Variants in CNTNAP2 observed in about 807,000 individuals in gnomAD.
The protein encoded by CNTNAP2 is contactin associated protein 2.
A neutral mutation model predicts 155.2 loss-of-function variants in CNTNAP2; 98 were observed. The observed-to-expected ratio is 0.63, with a 90% CI of 0.54 to 0.75. CNTNAP2 has a LOEUF of 0.75. CNTNAP2 is among the 30% of genes least tolerant of loss of function. The pLI is 0.00. For synonymous variants in CNTNAP2, 651 were observed against 631.2 expected (o/e 1.03, Z -0.47); for missense variants, 1,727 against 1,688.1 (o/e 1.02, Z -0.40).
chr7:146,567,304 T>A (rs888329150), intron 1 of CNTNAP2, among the ~76,000 whole-genome samples: 1 of 152,174 alleles, frequency 6.6e-6, no homozygotes, highest in African/African-American at 2.4e-5. Flanking sequence ...TGTCCCTTTT[T>A]TTAATCTTAA....
chr7:147,154,160 C>A (rs188035573), intron 8 of CNTNAP2, among the ~76,000 whole-genome samples: 14 of 151,754 alleles, frequency 9.2e-5, no homozygotes, highest in African/African-American at 2.9e-4. Context: ...TTCATAATGG[C>A]ATTGATAAGA....
At chr7:147,400,174 G>A (rs1796888793) in intron 10 of CNTNAP2, among the ~76,000 whole-genome samples, 1 of 152,098 alleles carries the variant, frequency 6.6e-6, no homozygotes, top group African/African-American at 2.4e-5. Context: ...TTTAGCCACA[G>A]TTAGGTCCAC....
rs533100211 is a variant in CNTNAP2 at position 147,379,652 on chromosome 7, A to G, written c.1499-15957A>G. On this transcript the variant is annotated intron_variant, in intron 9 of 23. Coordinates refer to ENST00000361727, the MANE Select transcript of CNTNAP2 (RefSeq NM_014141.6). ...ATCATCATTTTTTTTGGAAAAAGAT[A>G]AAATACAGACAAATTTCCTTGTCAT... 5.3e-5 allele frequency among the ~76,000 whole-genome samples: 8 copies of G among 152,240 alleles called. No individual in the cohort carries two copies. In the East Asian group the frequency reaches 1.2e-3, roughly 22 times the overall value.
intron 13 of CNTNAP2, among the ~76,000 whole-genome samples, chr7:147,745,503 TAGC>T (rs1410210669): frequency 6.6e-6 from 1 of 152,236 alleles, no homozygotes; most frequent in African/African-American, 2.4e-5. Context: ...TAAACATCTT[TAGC>T]AGAAGACTGA....
At chr7:146,521,471 T>C (rs1327451194) in intron 1 of CNTNAP2, among the ~76,000 whole-genome samples, 1 of 151,980 alleles carries the variant, frequency 6.6e-6, no homozygotes, top group Non-Finnish European at 1.5e-5. Flanking sequence ...TCCCTTAAAT[T>C]ACTCTACAGT....
rs548287213 is a variant in CNTNAP2 at position 146,536,712 on chromosome 7, A to G, written c.98-237559A>G. ...ATCACTTGTTTATTGCTGTGTGATAAAACACTCCAAGACATCTCTAGTCAC... is the reference window on the plus strand; with the variant it reads ...ATCACTTGTTTATTGCTGTGTGATAGAACACTCCAAGACATCTCTAGTCAC... On this transcript the variant is annotated intron_variant, in intron 1 of 23. Coordinates refer to ENST00000361727, the MANE Select transcript of CNTNAP2 (RefSeq NM_014141.6). Among the ~76,000 whole-genome samples the G allele has an allele frequency of 2.6e-5, 4 of 152,154 alleles. No individual in the cohort carries two copies. The South Asian group carries it at 8.3e-4, about 32-fold the overall frequency.
chr7:147,500,852 T>TC (rs1001529043), intron 11 of CNTNAP2, among the ~76,000 whole-genome samples: 2 of 152,158 alleles, frequency 1.3e-5, no homozygotes, highest in Non-Finnish European at 2.9e-5. Context: ...TTTTGTTCTA[T>TC]CAAAAAATAT....
chr7:148,187,402 C>A (rs1476310034), intron 18 of CNTNAP2, among the ~76,000 whole-genome samples: 1 of 152,120 alleles, frequency 6.6e-6, no homozygotes, highest in African/African-American at 2.4e-5. Flanking sequence ...TAAACACAGG[C>A]CATGCCCTGT....
chr7:148,301,081 G>T (rs959838318), intron 21 of CNTNAP2, among the ~76,000 whole-genome samples: 1 of 151,950 alleles, frequency 6.6e-6, no homozygotes. Flanking sequence ...GGATCACGAG[G>T]TCAGGAGTTT....
At chr7:147,625,082 T>G (rs10272345) in intron 12 of CNTNAP2, among the ~76,000 whole-genome samples, 13,673 of 151,988 alleles carry the variant, frequency 0.09, 1,707 homozygotes, top group African/African-American at 0.26. Context: ...GGACATAGGG[T>G]GGAAGGATGG....
intron 1 of CNTNAP2, among the ~76,000 whole-genome samples, chr7:146,364,758 G>A (rs560032075): frequency 3.9e-5 from 6 of 152,228 alleles, no homozygotes; most frequent in Admixed American, 2.6e-4. Context: ...TTTATGTATG[G>A]AACAATACAA....
chr7:148,035,807 C>T (rs569129725), intron 15 of CNTNAP2, among the ~76,000 whole-genome samples: 1 of 152,310 alleles, frequency 6.6e-6, no homozygotes, highest in South Asian at 2.1e-4. Context: ...AACTCCAACC[C>T]ATGAGAGCTC....
At chr7:146,412,702 G>C (rs1414735029) in intron 1 of CNTNAP2, among the ~76,000 whole-genome samples, 1 of 152,158 alleles carries the variant, frequency 6.6e-6, no homozygotes, top group Non-Finnish European at 1.5e-5. Context: ...GCTGTAAGTC[G>C]CTGTGATATC....
intron 10 of CNTNAP2, among the ~76,000 whole-genome samples, chr7:147,399,435 C>T (rs1430071389): frequency 6.6e-6 from 1 of 152,028 alleles, no homozygotes; most frequent in Non-Finnish European, 1.5e-5. Flanking sequence ...GTGGCCAATT[C>T]TGAATATATT....
intron 17 of CNTNAP2, among the ~76,000 whole-genome samples, chr7:148,159,389 C>T (rs1348145692): frequency 6.6e-6 from 1 of 152,094 alleles, no homozygotes; most frequent in East Asian, 1.9e-4. Flanking sequence ...CTCTTGTGTG[C>T]CATGCTTTAT....
intron 3 of CNTNAP2, among the ~76,000 whole-genome samples, chr7:146,990,323 T>G (rs764388302): frequency 5.6e-4 from 85 of 152,296 alleles, no homozygotes; most frequent in Non-Finnish European, 2.5e-4. Context: ...TTTACAAAAC[T>G]TGGCCCTACT....
intron 12 of CNTNAP2, among the ~76,000 whole-genome samples, chr7:147,629,956 A>G (rs1480266503): frequency 6.6e-6 from 1 of 152,122 alleles, no homozygotes; most frequent in African/African-American, 2.4e-5. Flanking sequence ...ACCCAGCAGA[A>G]AAAAAGAAAT....
intron 9 of CNTNAP2, among the ~76,000 whole-genome samples, chr7:147,340,932 C>G (rs1389968752): frequency 3.9e-5 from 6 of 152,056 alleles, no homozygotes; most frequent in Admixed American, 3.9e-4. Context: ...CTTACTCTCC[C>G]CAGCTCTCAT....
chr7:147,651,287 G>T (rs1195382597), intron 13 of CNTNAP2, among the ~76,000 whole-genome samples: 1 of 152,192 alleles, frequency 6.6e-6, no homozygotes, highest in Non-Finnish European at 1.5e-5. Flanking sequence ...GGAAGTCTCA[G>T]CTCTATTCTT....
Sources: allele counts gnomAD v4.1 joint callset (sites outside exome capture counted in the v4.1 genomes callset), GRCh38; gene constraint gnomAD v4.1.1; transcripts MANE v1.5; gene names NCBI Gene and HGNC (gene_info 2026-07-23, HGNC 2026-07-21).